SORCS2: variants seen among roughly 807,000 people sequenced by gnomAD.
The protein encoded by SORCS2 is sortilin related VPS10 domain containing receptor 2, also known as VPS10 domain-containing receptor SorCS2.
A neutral mutation model predicts 141.6 loss-of-function variants in SORCS2; 100 were observed. The ratio of observed to expected loss-of-function variants is 0.71; its 90% CI spans 0.60 to 0.83. The LOEUF (loss-of-function observed/expected upper bound fraction) is 0.83, where lower values mean the gene tolerates loss of function less well. Ranked by LOEUF, SORCS2 falls within the 40% of genes least tolerant of loss-of-function variation. The pLI, the probability that SORCS2 is intolerant of heterozygous loss-of-function variation, is 0.00. For missense variants in SORCS2, 1,646 were observed against 1,560.2 expected, an observed-to-expected ratio of 1.05 and a Z score of -0.93; for synonymous variants, 789 against 676.9, an observed-to-expected ratio of 1.17 and a Z score of -2.57.
chr4:7,661,588 C>G, intron 6 of SORCS2, 24 bp downstream of exon 6: 1 of 1,550,538 alleles, frequency 6.4e-7, no homozygotes, highest in Non-Finnish European at 8.7e-7. Context: ...TGCACAGGCA[C>G]CGGGTATCCC....
chr4:7,595,526 C>T (rs796352256), intron 3 of SORCS2, among the ~76,000 whole-genome samples: 1 of 151,526 alleles, frequency 6.6e-6, no homozygotes, highest in South Asian at 2.1e-4. Context: ...TCCACCACTC[C>T]CCACCCCCGC....
In SORCS2 at chr4:7,734,393, C is replaced by G; in HGVS notation, c.3311+19C>G. ...TCAAAAGGCAAGGCCCTTGGCTGCC[C>G]TCCTCTGCGGGGCTCTGACCATGGG... On this transcript the variant is annotated intron_variant, in intron 25 of 26. Coordinates refer to ENST00000507866, the MANE Select transcript of SORCS2 (RefSeq NM_020777.3). The G allele has an allele frequency of 6.7e-7, 1 of 1,489,800 alleles. No homozygotes were observed. Among genetic ancestry groups the G allele is most frequent in the East Asian group, 2.5e-5 (1 of 39,942 alleles). The allele number at this position is 1,489,800 out of a possible 1,614,324, so 92.3% of individuals were successfully genotyped here.
At chr4:7,322,649 C>T (rs1718969832) in intron 1 of SORCS2, among the ~76,000 whole-genome samples, 2 of 152,222 alleles carry the variant, frequency 1.3e-5, no homozygotes, top group Admixed American at 1.3e-4. Flanking sequence ...ACCCCCTTGT[C>T]CAGCCGCTCA....
At chr4:7,713,714 T>C (rs1282258013) in intron 15 of SORCS2, among the ~76,000 whole-genome samples, 1 of 152,144 alleles carries the variant, frequency 6.6e-6, no homozygotes, top group African/African-American at 2.4e-5. Context: ...CTTAGCAGGG[T>C]GCATTGCTTA....
At chr4:7,471,693 G>A (rs777501565) in intron 2 of SORCS2, among the ~76,000 whole-genome samples, 7 of 152,232 alleles carry the variant, frequency 4.6e-5, no homozygotes, top group Non-Finnish European at 1.0e-4. Flanking sequence ...GCCTGTTCCG[G>A]GAGTAGGCAG....
chr4:7,360,129 G>A (rs538708729), intron 1 of SORCS2, among the ~76,000 whole-genome samples: 49 of 152,316 alleles, frequency 3.2e-4, no homozygotes, highest in Non-Finnish European at 6.3e-4. Flanking sequence ...TGTTGCCAAC[G>A]TTGATTGAAT....
chr4:7,597,867 G>A (rs940072250), intron 3 of SORCS2, among the ~76,000 whole-genome samples: 1 of 152,020 alleles, frequency 6.6e-6, no homozygotes, highest in Non-Finnish European at 1.5e-5. Context: ...GGTGAGAGCT[G>A]CGTTCTGCTC....
At position 7,244,770 on chromosome 4, in the gene SORCS2, C is replaced by T. The variant is rs530595277; in HGVS notation, c.480+51644C>T. Among the ~76,000 whole-genome samples, 191 of 152,316 alleles carry T rather than the reference C, an allele frequency of 1.3e-3. 1 individual carries two copies. Among genetic ancestry groups the T allele is most frequent in the African/African-American group, 4.4e-3 (182 of 41,578 alleles). ...TAAACAATTAGGGGTGAACTGTTTT[C>T]GGCCATTGGGAAAAGGAGGCTGCAG... On this transcript the variant is annotated intron_variant, in intron 1 of 26. Transcript: ENST00000507866.
intron 1 of SORCS2, among the ~76,000 whole-genome samples, chr4:7,328,937 C>T (rs1719466817): frequency 6.6e-6 from 1 of 152,216 alleles, no homozygotes; most frequent in African/African-American, 2.4e-5. Context: ...TCCTGAGTCC[C>T]AAGCACCCTC....
chr4:7,528,931 T>G (rs1313705500), intron 2 of SORCS2, among the ~76,000 whole-genome samples: 3 of 152,212 alleles, frequency 2.0e-5, no homozygotes. Flanking sequence ...ACCCTTGGCC[T>G]GCGGCCACAT....
chr4:7,408,275 G>C lies in SORCS2; in HGVS notation c.548+11920G>C, dbSNP rs918955832. On this transcript the variant is annotated intron_variant, in intron 2 of 26. Transcript: ENST00000507866. ...AAACTCCCTTTAACCTTTCTTCTAA[G>C]ACAGATGCGGGGGTGGTGAATTCCC... Among the ~76,000 whole-genome samples the C allele has an allele frequency of 8.4e-4, 128 of 152,118 alleles. 1 individual carries two copies. The highest frequency in any genetic ancestry group is 2.4e-4 in the Non-Finnish European group (16 of 67,960).
chr4:7,351,068 C>T (rs1289897516), intron 1 of SORCS2, among the ~76,000 whole-genome samples: 2 of 152,152 alleles, frequency 1.3e-5, no homozygotes, highest in Non-Finnish European at 2.9e-5. Context: ...ATGCTTGCTC[C>T]GCTCCACGGA....
chr4:7,211,517 C>T (rs971999073), intron 1 of SORCS2, among the ~76,000 whole-genome samples: 3 of 152,152 alleles, frequency 2.0e-5, no homozygotes, highest in African/African-American at 7.2e-5. Context: ...GGATTACAAG[C>T]ACCTACCACC....
chr4:7,437,799 T>A (rs953806746), intron 2 of SORCS2, among the ~76,000 whole-genome samples: 2 of 152,116 alleles, frequency 1.3e-5, no homozygotes, highest in African/African-American at 4.8e-5. Flanking sequence ...CCCGAGTACC[T>A]TTGCCCAGAC....
At chr4:7,371,233 G>A (rs555164018) in intron 1 of SORCS2, among the ~76,000 whole-genome samples, 2 of 152,302 alleles carry the variant, frequency 1.3e-5, no homozygotes, top group Non-Finnish European at 2.9e-5. Context: ...GTGTGTACCC[G>A]CTGCAGGTCT....
intron 2 of SORCS2, among the ~76,000 whole-genome samples, chr4:7,492,239 C>T (rs978807594): frequency 5.3e-5 from 8 of 152,226 alleles, no homozygotes; most frequent in Admixed American, 3.3e-4. Flanking sequence ...TCCTCCCTGC[C>T]TCGCCCAGCC....
chr4:7,673,921 C>T (rs1012366556), intron 8 of SORCS2, among the ~76,000 whole-genome samples: 1 of 152,190 alleles, frequency 6.6e-6, no homozygotes, highest in Non-Finnish European at 1.5e-5. Flanking sequence ...TGCCACGGCC[C>T]AGGCTGGTGG....
chr4:7,614,007 A>G (rs1364146505), intron 3 of SORCS2, among the ~76,000 whole-genome samples: 1 of 150,688 alleles, frequency 6.6e-6, no homozygotes, highest in African/African-American at 2.4e-5. Context: ...CTATTCATCA[A>G]TCATACACCC....
chr4:7,566,191 A>G (rs944493575), intron 3 of SORCS2, among the ~76,000 whole-genome samples: 2 of 151,340 alleles, frequency 1.3e-5, no homozygotes, highest in Non-Finnish European at 1.5e-5. Flanking sequence ...GATATTGATA[A>G]TGGTGATGGT....
Sources: gnomAD v4.1 joint callset for allele counts (sites outside exome capture counted in the v4.1 genomes callset) on GRCh38, gnomAD v4.1.1 for gene constraint, MANE v1.5 for transcripts, NCBI Gene and HGNC (gene_info 2026-07-23, HGNC 2026-07-21) for gene names.